The following SNAP91 variants were observed in gnomAD, a reference collection of about 807,000 sequenced individuals.
The protein encoded by SNAP91 is clathrin coat assembly protein AP180.
A neutral mutation model predicts 100.3 loss-of-function variants in SNAP91; 27 were observed. That is an observed-to-expected ratio of 0.27 (90% CI 0.20 to 0.37). The LOEUF (loss-of-function observed/expected upper bound fraction) is 0.37. Among genes scored for constraint, SNAP91 ranks in the 10% least tolerant of loss-of-function variants. SNAP91 has a pLI of 1.00. For synonymous variants in SNAP91, 404 were observed against 398.6 expected (o/e 1.01, Z -0.16); for missense variants, 986 against 1,123.7 (o/e 0.88, Z 1.75).
chr6:83,603,095 G>C (rs2095378286), intron 14 of SNAP91, among the ~76,000 whole-genome samples: 1 of 152,152 alleles, frequency 6.6e-6, no homozygotes, highest in African/African-American at 2.4e-5. Flanking sequence ...GTGATGACCA[G>C]CATAGTACTT....
At chr6:83,698,133 T>C (rs921956641) in intron 2 of SNAP91, among the ~76,000 whole-genome samples, 11 of 152,096 alleles carry the variant, frequency 7.2e-5, no homozygotes, top group African/African-American at 2.7e-4. Flanking sequence ...TGTTTCAAAG[T>C]AGTTCAGCAA....
At chr6:83,705,608 C>G (rs1234817950) in intron 2 of SNAP91, among the ~76,000 whole-genome samples, 3 of 152,048 alleles carry the variant, frequency 2.0e-5, no homozygotes, top group Non-Finnish European at 4.4e-5. Context: ...AGTTCAAGAC[C>G]AGCCTGGCCA....
At position 83,681,066 on chromosome 6, in the gene SNAP91, TAATC is replaced by T. The variant is rs370326268; in HGVS notation, c.131-15489_131-15486del. On this transcript the variant is annotated intron_variant, in intron 2 of 29. Coordinates refer to ENST00000369694, the MANE Select transcript of SNAP91 (RefSeq NM_001242792.2). ...TTTACAGAAAAGGGACTCTCACACA[TAATC>T]AAGCATAGGAGTCCCTAGCTTTTGA... Among the ~76,000 whole-genome samples the T allele has an allele frequency of 1.9e-3, 288 of 152,268 alleles. 1 individual carries two copies. The highest frequency in any genetic ancestry group is 6.1e-3 in the African/African-American group (252 of 41,580).
chr6:83,577,794 T>C (rs990083555), intron 24 of SNAP91, among the ~76,000 whole-genome samples: 5 of 152,244 alleles, frequency 3.3e-5, no homozygotes. Flanking sequence ...TCAATGGTTT[T>C]AGTTTATTCA....
At chr6:83,651,813 G>C (rs779453054) in intron 7 of SNAP91, among the ~76,000 whole-genome samples, 2 of 152,056 alleles carry the variant, frequency 1.3e-5, no homozygotes, top group African/African-American at 4.8e-5. Context: ...TCTGCCTCCT[G>C]AATCTGTCCA....
At chr6:83,651,425 C>T (rs1258378359) in intron 7 of SNAP91, among the ~76,000 whole-genome samples, 1 of 152,112 alleles carries the variant, frequency 6.6e-6, no homozygotes, top group Non-Finnish European at 1.5e-5. Context: ...GCATCCTATA[C>T]ATTTTGATAA....
chr6:83,684,938 T>C (rs1446031754), intron 2 of SNAP91, among the ~76,000 whole-genome samples: 1 of 152,198 alleles, frequency 6.6e-6, no homozygotes, highest in Non-Finnish European at 1.5e-5. Flanking sequence ...TCTGTGCCTC[T>C]TTCCTAGAAG....
intron 9 of SNAP91, among the ~76,000 whole-genome samples, chr6:83,620,813 G>A (rs2096688030): frequency 6.6e-6 from 1 of 151,578 alleles, no homozygotes; most frequent in African/African-American, 2.4e-5. Context: ...CCGGGTTCAC[G>A]CCATTCTCCT....
chr6:83,654,229 A>G (rs1585825887), intron 7 of SNAP91, among the ~76,000 whole-genome samples: 1 of 151,924 alleles, frequency 6.6e-6, no homozygotes, highest in Admixed American at 6.6e-5. Flanking sequence ...GGCAGCTTCC[A>G]CTCGTGAGTC....
intron 24 of SNAP91, among the ~76,000 whole-genome samples, chr6:83,578,098 AT>A (rs141844202): frequency 7.8e-4 from 118 of 151,292 alleles, no homozygotes; most frequent in African/African-American, 2.4e-3. Flanking sequence ...TAGATATATC[AT>A]TTTTTTTTAT....
At chr6:83,674,994 T>C (rs914273155) in intron 2 of SNAP91, among the ~76,000 whole-genome samples, 2 of 152,122 alleles carry the variant, frequency 1.3e-5, no homozygotes, top group African/African-American at 2.4e-5. Context: ...GGGCTCTCCA[T>C]TGTCAAATGA....
intron 23 of SNAP91, 44 bp downstream of exon 23, chr6:83,582,178 T>C: frequency 6.3e-7 from 1 of 1,598,142 alleles, no homozygotes; most frequent in East Asian, 2.2e-5. Flanking sequence ...CTTTTTTTTA[T>C]TACCAGGACA....
chr6:83,704,804 C>T, intron 2 of SNAP91, among the ~76,000 whole-genome samples: 1 of 152,058 alleles, frequency 6.6e-6, no homozygotes, highest in East Asian at 1.9e-4. Flanking sequence ...GTTTTTGTTT[C>T]AAACCCCCAA....
chr6:83,592,863 A>C, intron 20 of SNAP91, 83 bp downstream of exon 20: 1 of 1,049,212 alleles, frequency 9.5e-7, no homozygotes, highest in Non-Finnish European at 1.4e-6. Flanking sequence ...AGAACTCAAG[A>C]AAAACCCACA....
At chr6:83,637,481 G>C (rs1239108362) in intron 8 of SNAP91, among the ~76,000 whole-genome samples, 1 of 152,196 alleles carries the variant, frequency 6.6e-6, no homozygotes, top group South Asian at 2.1e-4. Flanking sequence ...GTGGCCCAGG[G>C]TTTCCAGCCT....
chr6:83,611,758 G>A (rs946510968), intron 11 of SNAP91, among the ~76,000 whole-genome samples: 25 of 150,472 alleles, frequency 1.7e-4, no homozygotes, highest in African/African-American at 4.7e-4. Flanking sequence ...GTGCAGTGGC[G>A]CAATCTCAGC....
chr6:83,669,008 T>C (rs561465246), intron 2 of SNAP91, among the ~76,000 whole-genome samples: 1 of 152,114 alleles, frequency 6.6e-6, no homozygotes, highest in Admixed American at 6.6e-5. Context: ...CATTAGCCTA[T>C]AGTTGGGCAA....
chr6:83,704,692 T>TA (rs3839438), intron 2 of SNAP91, among the ~76,000 whole-genome samples: 28,672 of 150,784 alleles, frequency 0.19, 2,988 homozygotes, highest in Middle Eastern at 0.41. Flanking sequence ...CCAATACCTT[T>TA]AAAAAAAAAT....
chr6:83,579,823 T>C (rs1467621115), intron 24 of SNAP91, among the ~76,000 whole-genome samples: 1 of 152,220 alleles, frequency 6.6e-6, no homozygotes, highest in African/African-American at 2.4e-5. Flanking sequence ...TTTACCTTCT[T>C]GTTGAGGCTT....
Sources: allele counts gnomAD v4.1 joint callset (sites outside exome capture counted in the v4.1 genomes callset), GRCh38; gene constraint gnomAD v4.1.1; transcripts MANE v1.5; gene names NCBI Gene and HGNC (gene_info 2026-07-23, HGNC 2026-07-21).